The following TGFB3 variants were observed in gnomAD, a reference collection of about 807,000 sequenced individuals.
The protein encoded by TGFB3 is transforming growth factor beta 3, also known as transforming growth factor beta-3 proprotein.
In TGFB3, 5 loss-of-function variants were observed where a neutral mutation model predicts 40.1. The observed-to-expected ratio is 0.12, with a 90% CI of 0.07 to 0.26. The LOEUF (loss-of-function observed/expected upper bound fraction) is 0.26, where lower values mean the gene tolerates loss of function less well. Among genes scored for constraint, TGFB3 ranks in the 10% least tolerant of loss-of-function variants. TGFB3 has a pLI of 1.00. For synonymous variants in TGFB3, 184 were observed against 205.6 expected (o/e 0.89, Z 0.90); for missense variants, 373 against 530.1 (o/e 0.70, Z 2.91).
rs2035284220 is a variant in TGFB3, at chr14:75,971,038, C to T, written c.646+88G>A. 2 of 1,586,166 alleles carry T rather than the reference C, an allele frequency of 1.3e-6. No individual in the cohort carries two copies. The highest frequency in any genetic ancestry group is 4.5e-5 in the East Asian group (2 of 44,598). On this transcript the variant is annotated intron_variant, in intron 3 of 6. Transcript: ENST00000238682. This position sits in a 1 kb window ranked among gnomAD's most constrained non-coding sequence, Gnocchi z 4.5. The stretch of plus-strand genomic sequence containing the variant: ...GGGTTTGAACCCAGATCTCTGACTC[C>T]CTTAATTCTGTCCTCTTCCCTCCAT...
chr14:75,974,289 C>G (rs746471725), intron 1 of TGFB3, among the ~76,000 whole-genome samples: 1 of 152,050 alleles, frequency 6.6e-6, no homozygotes, highest in Admixed American at 6.5e-5. Context: ...TTTCTTCCAG[C>G]CTATCAATCA....
chr14:75,967,289 C>T (rs912957483), intron 3 of TGFB3, among the ~76,000 whole-genome samples: 7 of 152,198 alleles, frequency 4.6e-5, no homozygotes, highest in South Asian at 2.1e-4. Context: ...AGGCACACTG[C>T]GCCTGCTGAG....
Position 75,980,523 on chromosome 14 carries a change from A to C in TGFB3, c.352+19T>G. ...TCAGACCCTCCAGAGCAGACACCCC[A>C]GCGAGAATTTGGACTTACTGTGCTC... On this transcript the variant is annotated intron_variant, in intron 1 of 6. Coordinates refer to ENST00000238682, the MANE Select transcript of TGFB3 (RefSeq NM_003239.5). The surrounding 1 kb of genome is among the most constrained non-coding windows in gnomAD (Gnocchi z 4.3). 6.2e-7 allele frequency: 1 copy of C among 1,612,928 alleles called. No individual in the cohort carries two copies. The highest frequency in any genetic ancestry group is 8.5e-7 in the Non-Finnish European group (1 of 1,178,870).
rs1319961582 is a variant in TGFB3, at chr14:75,971,178, C to T, written c.594G>A (p.Glu198=). 2 of 1,614,188 alleles carry T rather than the reference C, an allele frequency of 1.2e-6. No individual in the cohort carries two copies. Among genetic ancestry groups the T allele is most frequent in the Non-Finnish European group, 1.7e-6 (2 of 1,180,040 alleles). Residue 198 remains glutamate, a synonymous_variant, in exon 3 of 7, where the codon GAG becomes GAA. Coordinates refer to ENST00000238682, the MANE Select transcript of TGFB3 (RefSeq NM_003239.5). The surrounding 1 kb of genome is among the most constrained non-coding windows in gnomAD (Gnocchi z 4.5). ...TGTCAGTGACATCAAAGGACAGCCA[C>T]TCGGCAGTGCCCCGTGTGGGCAGAT... ...GKNLPTRGTA[E]WLSFDVTDTV... is the part of the protein sequence containing the mutation.
intron 3 of TGFB3, among the ~76,000 whole-genome samples, chr14:75,970,233 T>C (rs532510228): frequency 1.2e-4 from 18 of 152,164 alleles, no homozygotes; most frequent in African/African-American, 4.3e-4. Context: ...CTGGAATAAG[T>C]CCTGAAACCT....
chr14:75,982,186 CT>C (rs1247922123), upstream of TGFB3, among the ~76,000 whole-genome samples: 2 of 152,238 alleles, frequency 1.3e-5, no homozygotes, highest in Non-Finnish European at 2.9e-5. The surrounding 1 kb of genome is among the most constrained non-coding windows in gnomAD (Gnocchi z 4.0). Flanking sequence ...GGTAGCTGAA[CT>C]TTTTTTCCCC....
At chr14:75,960,861 T>C in intron 6 of TGFB3, 62 bp downstream of exon 6, 1 of 1,607,674 alleles carries the variant, frequency 6.2e-7, no homozygotes, top group East Asian at 2.2e-5. Context: ...CACTCATTCT[T>C]TTTAACAAGT....
In TGFB3 at chr14:75,958,754, A is replaced by T. The variant is rs1156584363; in HGVS notation, c.*433T>A. 1.1e-5 allele frequency: 3 copies of T among 273,304 alleles called. No individual in the cohort carries two copies. The highest frequency in any genetic ancestry group is 8.4e-5 in the East Asian group (1 of 11,888). 16.9% of individuals were successfully genotyped at this position (273,304 alleles called of 1,614,324 possible). A position where few individuals can be genotyped will look rare whatever the true frequency, so the allele number is the denominator to read the frequency against. Reference sequence around the variant, plus strand: ...TTGTATAACATAATCCAGATTCCCTAGAGCAGATGTGGTACAGCAATGAGC... The same window carrying T: ...TTGTATAACATAATCCAGATTCCCTTGAGCAGATGTGGTACAGCAATGAGC... On this transcript the variant is annotated 3_prime_UTR_variant, in exon 7 of 7. Transcript: ENST00000238682.
Position 75,980,496 on chromosome 14 carries a change from G to T in TGFB3, c.352+46C>A. 6.3e-7 allele frequency: 1 copy of T among 1,598,394 alleles called. No individual in the cohort carries two copies. Among genetic ancestry groups the T allele is most frequent in the Non-Finnish European group, 8.6e-7 (1 of 1,165,830 alleles). ...CCCCTCTGCAGAGCTCCCAGCTCCA[G>T]TTCAGACCCTCCAGAGCAGACACCC... On this transcript the variant is annotated intron_variant, in intron 1 of 6. Transcript: ENST00000238682. The surrounding 1 kb of genome is among the most constrained non-coding windows in gnomAD (Gnocchi z 4.3).
Position 75,963,599 on chromosome 14 carries a change from C to T in TGFB3, c.755-112G>A, listed in dbSNP as rs536192761. The T allele has an allele frequency of 2.2e-4, 287 of 1,324,616 alleles. No homozygotes were observed. The Admixed American group carries it at 2.3e-3, about 10-fold the overall frequency. 82.1% of individuals were successfully genotyped at this position (1,324,616 alleles called of 1,614,324 possible). ...CCAGGAGGAGGGGCAGTGCAGTCTG[C>T]GAGGGAGGTGTGGGGGACAAGTGCA... On this transcript the variant is annotated intron_variant, in intron 4 of 6. Transcript: ENST00000238682.
rs551929281 is a variant in TGFB3, at chr14:75,981,045, C to A, written c.-152G>T. On this transcript the variant is annotated 5_prime_UTR_variant, in exon 1 of 7. Transcript: ENST00000238682. The surrounding 1 kb of genome is among the most constrained non-coding windows in gnomAD (Gnocchi z 4.7). ...GAAGGTGCATGAACTCACTGCACTG[C>A]GAGAGCTTCAGGACTTCCAGGAAGC... The A allele has an allele frequency of 2.8e-6, 2 of 719,846 alleles. No homozygotes were observed. The highest frequency in any genetic ancestry group is 2.4e-6 in the Non-Finnish European group (1 of 410,014). 44.6% of individuals were successfully genotyped at this position (719,846 alleles called of 1,614,324 possible).
Position 75,963,306 on chromosome 14 carries a change from CCA to C in TGFB3, c.926+8_926+9del, listed in dbSNP as rs1491398509. 1.9e-6 allele frequency: 3 copies of C among 1,613,974 alleles called. No homozygotes were observed. The highest frequency in any genetic ancestry group is 2.5e-6 in the Non-Finnish European group (3 of 1,179,946). On this transcript the variant is annotated splice_region_variant and intron_variant, in intron 5 of 6. Transcript: ENST00000238682. Reference sequence around the variant, plus strand: ...AGTAGATGTTGGTTCCCATGTGGGCCCAGTCTCACCGGAAGCAGTAATTGGTG... The same window carrying C: ...AGTAGATGTTGGTTCCCATGTGGGCCGTCTCACCGGAAGCAGTAATTGGTG...
intron 3 of TGFB3, chr14:75,965,984 T>A (rs1595340747): frequency 2.3e-6 from 1 of 432,114 alleles, no homozygotes; most frequent in African/African-American, 2.0e-5. Context: ...TTTGAAAGGA[T>A]GGTATTAAGA....
chr14:75,979,701 C>CG lies in TGFB3; in HGVS notation c.352+840_352+841insC, dbSNP rs1334582624. Among the ~76,000 whole-genome samples, 2 of 150,366 alleles carry CG rather than the reference C, an allele frequency of 1.3e-5. No individual in the cohort carries two copies. The highest frequency in any genetic ancestry group is 3.0e-5 in the Non-Finnish European group (2 of 67,194). The stretch of plus-strand genomic sequence containing the variant: ...ACGGCAGGCTCCCAGACATATCCCC[C>CG]CCCCCCACCATGCACCCACTGCCAC... On this transcript the variant is annotated intron_variant, in intron 1 of 6. Transcript: ENST00000238682. The surrounding 1 kb of genome is among the most constrained non-coding windows in gnomAD (Gnocchi z 4.8).
chr14:75,960,077 G>A (rs1012969556), intron 6 of TGFB3, among the ~76,000 whole-genome samples: 4 of 151,596 alleles, frequency 2.6e-5, no homozygotes, highest in African/African-American at 7.3e-5. Flanking sequence ...CAAGTAGCTG[G>A]GATTACAAGC....
Position 75,970,489 on chromosome 14 carries a change from G to A in TGFB3, c.646+637C>T, listed in dbSNP as rs565836803. On this transcript the variant is annotated intron_variant, in intron 3 of 6. Transcript: ENST00000238682. Reference sequence around the variant, plus strand: ...ACGTGAGAATCGCTTGAACCCAGATGGTGGAGGTGCAGTGAGCAGAGATCG... The same window carrying A: ...ACGTGAGAATCGCTTGAACCCAGATAGTGGAGGTGCAGTGAGCAGAGATCG... Among the ~76,000 whole-genome samples, 474 of 151,738 alleles carry A rather than the reference G, an allele frequency of 3.1e-3. 1 individual carries two copies. The highest frequency in any genetic ancestry group is 5.6e-3 in the Non-Finnish European group (378 of 67,936).
intron 3 of TGFB3, among the ~76,000 whole-genome samples, chr14:75,969,700 C>T (rs748456860): frequency 7.2e-5 from 11 of 152,142 alleles, no homozygotes; most frequent in African/African-American, 2.2e-4. Flanking sequence ...ACTTGCATGA[C>T]GACCCGGCCT....
At position 75,971,357 on chromosome 14, in the gene TGFB3, GT is replaced by G; in HGVS notation, c.517-103del. On this transcript the variant is annotated intron_variant, in intron 2 of 6. Coordinates refer to ENST00000238682, the MANE Select transcript of TGFB3 (RefSeq NM_003239.5). This position sits in a 1 kb window ranked among gnomAD's most constrained non-coding sequence, Gnocchi z 4.5. ...GTGAGGGAGCGATAGGAAACCAGTG[GT>G]TCCTGAATGCCATGGCCCTCGAGCA... 1 of 1,571,826 alleles carries G rather than the reference GT, an allele frequency of 6.4e-7. No homozygotes were observed. The highest frequency in any genetic ancestry group is 8.7e-7 in the Non-Finnish European group (1 of 1,148,924).
rs544567954 is a variant in TGFB3 at position 75,976,874 on chromosome 14, C to T, written c.352+3668G>A. 4.6e-5 allele frequency among the ~76,000 whole-genome samples: 7 copies of T among 152,254 alleles called. No individual in the cohort carries two copies. In the East Asian group the frequency reaches 1.4e-3, roughly 29 times the overall value. On this transcript the variant is annotated intron_variant, in intron 1 of 6. Coordinates refer to ENST00000238682, the MANE Select transcript of TGFB3 (RefSeq NM_003239.5). The stretch of plus-strand genomic sequence containing the variant: ...TGCCATCCCTCTAAGAAAAGTTTCG[C>T]CCTAGTTCACTGACTCTTAAGCTTC...
Sources: gnomAD v4.1 joint callset for allele counts (sites outside exome capture counted in the v4.1 genomes callset) on GRCh38, gnomAD v4.1.1 for gene constraint, Gnocchi (gnomAD v3.1) non-coding constraint, MANE v1.5 for transcripts, NCBI Gene and HGNC (gene_info 2026-07-23, HGNC 2026-07-21) for gene names.